Variants in TAPBPL observed in about 807,000 individuals in gnomAD.
The protein encoded by TAPBPL is tapasin-related protein.
In TAPBPL, 32 loss-of-function variants were observed where a neutral mutation model predicts 44.8. The observed-to-expected ratio is 0.71, with a 90% CI of 0.54 to 0.96. The LOEUF (loss-of-function observed/expected upper bound fraction) is 0.96. Ranked by LOEUF, TAPBPL falls within the 40% of genes least tolerant of loss-of-function variation. The pLI is 0.00. For synonymous variants in TAPBPL, 230 were observed against 240.7 expected, an observed-to-expected ratio of 0.96 and a Z score of 0.41; for missense variants, 520 against 586.6, an observed-to-expected ratio of 0.89 and a Z score of 1.17.
chr12:6,463,680 G>C, downstream of TAPBPL: 1 of 1,097,920 alleles, frequency 9.1e-7, no homozygotes, highest in Non-Finnish European at 1.1e-6. This position sits in a 1 kb window ranked among gnomAD's most constrained non-coding sequence, Gnocchi z 4.0. Context: ...AAAACTACCA[G>C]CTAGATGGAT....
chr12:6,461,274 C>T, intron 6 of TAPBPL: 2 of 1,161,642 alleles, frequency 1.7e-6, no homozygotes, highest in Non-Finnish European at 2.2e-6. Flanking sequence ...TCTGCAGAGG[C>T]CTCTGCCTTC....
chr12:6,458,241 T>C (rs1003834993), intron 4 of TAPBPL, among the ~76,000 whole-genome samples: 2 of 152,066 alleles, frequency 1.3e-5, no homozygotes, highest in African/African-American at 2.4e-5. Flanking sequence ...CTAGGCATGG[T>C]GGTGCGCGCC....
upstream of TAPBPL, chr12:6,451,833 C>T (rs1469339824): frequency 3.4e-6 from 1 of 289,934 alleles, no homozygotes; most frequent in Non-Finnish European, 6.6e-6. Context: ...TTGGGGCCTG[C>T]TTAAGGGCGG....
chr12:6,464,625 C>T (rs369568272), downstream of TAPBPL: 15 of 1,456,096 alleles, frequency 1.0e-5, no homozygotes, highest in African/African-American at 7.2e-5. Flanking sequence ...CCCTCCAACC[C>T]AAGCCAGTGA....
At position 6,453,585 on chromosome 12, in the gene TAPBPL, A is replaced by G. The variant is rs749989219; in HGVS notation, c.434A>G (p.Asn145Ser). The G allele has an allele frequency of 6.2e-7, 1 of 1,614,212 alleles. No homozygotes were observed. The highest frequency in any genetic ancestry group is 1.1e-5 in the South Asian group (1 of 91,092). ...AAGACAGCAGCTTGGTTCATGGCCA[A>G]CATGCAGGTCTCTGGAGGGGGACCT... ...TVKTAAWFMANMQVSGGGPSI... is the reference protein window; with the variant it reads ...TVKTAAWFMASMQVSGGGPSI... Residue 145 changes from asparagine to serine, a missense_variant, in exon 3 of 7, where the codon AAC (asparagine) becomes AGC (serine). Coordinates refer to ENST00000266556, the MANE Select transcript of TAPBPL (RefSeq NM_018009.5). This position sits in a 1 kb window ranked among gnomAD's most constrained non-coding sequence, Gnocchi z 4.8.
downstream of TAPBPL, chr12:6,462,768 A>G: frequency 6.6e-7 from 1 of 1,523,680 alleles, no homozygotes; most frequent in Non-Finnish European, 8.9e-7. Flanking sequence ...GGAGGAGCCC[A>G]GAGGAGAGTG....
In TAPBPL at chr12:6,457,660, A is replaced by C. The variant is rs1949734876; in HGVS notation, c.820A>C (p.Thr274Pro). Residue 274 changes from threonine (T) to proline (P), a missense_variant, in exon 4 of 7, where the codon ACT becomes CCT. By Grantham distance (38) the Thr-to-Pro change is conservative. Transcript: ENST00000266556. ...TGCCTCCCTCACCCTGCCCGGCCTC[A>C]CTATACAGGACGAGGGGACCTACAT... ...RDASLTLPGL[T>P]IQDEGTYICQ... 1 of 1,613,980 alleles carries C rather than the reference A, an allele frequency of 6.2e-7. No homozygotes were observed. The highest frequency in any genetic ancestry group is 1.7e-5 in the Admixed American group (1 of 59,994).
At chr12:6,457,858 C>G in intron 4 of TAPBPL, 114 bp downstream of exon 4, 1 of 1,189,958 alleles carries the variant, frequency 8.4e-7, no homozygotes, top group South Asian at 1.6e-5. Context: ...GCTTCAATCC[C>G]ACAACTTAAA....
At position 6,453,781 on chromosome 12, in the gene TAPBPL, A is replaced by C; in HGVS notation, c.565+65A>C. 1 of 1,478,034 alleles carries C rather than the reference A, an allele frequency of 6.8e-7. No homozygotes were observed. Among genetic ancestry groups the C allele is most frequent in the Non-Finnish European group, 8.9e-7 (1 of 1,118,978 alleles). 91.6% of individuals were successfully genotyped at this position (1,478,034 alleles called of 1,614,324 possible). ...GCCTGTAATTCCAGAATTTTGGGAT[A>C]CCGAGGTCGGTGGATCACCTGAGGT... On this transcript the variant is annotated intron_variant, in intron 3 of 6. Transcript: ENST00000266556. The surrounding 1 kb of genome is among the most constrained non-coding windows in gnomAD (Gnocchi z 4.8).
chr12:6,454,378 G>C (rs1949650603), intron 3 of TAPBPL, among the ~76,000 whole-genome samples: 1 of 152,322 alleles, frequency 6.6e-6, no homozygotes, highest in African/African-American at 2.4e-5. Context: ...TGAGACGGGA[G>C]AATCACTTGA....
downstream of TAPBPL, chr12:6,471,062 A>T (rs2072377): frequency 0.15 from 24,010 of 156,474 alleles, 2,166 homozygotes; most frequent in East Asian, 0.31. This position sits in a 1 kb window ranked among gnomAD's most constrained non-coding sequence, Gnocchi z 4.0. Context: ...GGACTCGCGC[A>T]TTCAGCTGGA....
chr12:6,470,475 C>G (rs1945745380), downstream of TAPBPL: 1 of 1,612,940 alleles, frequency 6.2e-7, no homozygotes, highest in Admixed American at 1.7e-5. Context: ...GAATCGGGAG[C>G]TTGGGGCGAG....
chr12:6,462,324 T>TCCACCAAA (rs1949893302), downstream of TAPBPL: 1 of 587,108 alleles, frequency 1.7e-6, no homozygotes, highest in Admixed American at 3.1e-5. Flanking sequence ...GAAGTACAAC[T>TCCACCAAA]GTTGTTATTA....
intron 3 of TAPBPL, among the ~76,000 whole-genome samples, chr12:6,454,015 C>CAA (rs568380803): frequency 0.013 from 1,699 of 129,770 alleles, 20 homozygotes; most frequent in Middle Eastern, 0.051. Flanking sequence ...AACTCCATCT[C>CAA]AAAAAAAAAA....
Position 6,457,669 on chromosome 12 carries a change from G to A in TAPBPL, c.829G>A (p.Asp277Asn), listed in dbSNP as rs368603949. The A allele has an allele frequency of 1.9e-6, 3 of 1,613,736 alleles. No individual in the cohort carries two copies. Among genetic ancestry groups the A allele is most frequent in the Non-Finnish European group, 1.7e-6 (2 of 1,179,820 alleles). The change falls in exon 4 of 7, where the codon GAC (aspartate) becomes AAC (asparagine). Residue 277 changes from aspartate to asparagine, a missense_variant. Transcript: ENST00000266556. ...SLTLPGLTIQ[D>N]EGTYICQITT... Reference sequence around the variant, plus strand: ...CACCCTGCCCGGCCTCACTATACAGGACGAGGGGACCTACATTTGCCAGAT... The same window carrying A: ...CACCCTGCCCGGCCTCACTATACAGAACGAGGGGACCTACATTTGCCAGAT...
Position 6,457,635 on chromosome 12 carries a change from T to G in TAPBPL, c.795T>G (p.Asp265Glu). 6.2e-7 allele frequency: 1 copy of G among 1,614,192 alleles called. No homozygotes were observed. The change falls in exon 4 of 7, where the codon GAT becomes GAG. Residue 265 changes from aspartate (D) to glutamate (E), a missense_variant. Asp to Glu is a conservative substitution (Grantham distance 45, BLOSUM62 2). Transcript: ENST00000266556. ...CTGCACAACTGGGCATGGCCAGGGATGCCTCCCTCACCCTGCCCGGCCTCA... is the reference window on the plus strand; with the variant it reads ...CTGCACAACTGGGCATGGCCAGGGAGGCCTCCCTCACCCTGCCCGGCCTCA... Reference protein sequence around the residue: ...LEPAQLGMARDASLTLPGLTI... With the variant: ...LEPAQLGMAREASLTLPGLTI...
At chr12:6,461,405 G>A (rs888231200) in intron 6 of TAPBPL, 6 of 1,001,012 alleles carry the variant, frequency 6.0e-6, no homozygotes, top group African/African-American at 5.2e-5. Context: ...GTGGTGTGAC[G>A]GTAGGAAAAC....
chr12:6,454,306 T>C (rs1374731399), intron 3 of TAPBPL, among the ~76,000 whole-genome samples: 2 of 149,792 alleles, frequency 1.3e-5, no homozygotes, highest in Non-Finnish European at 3.0e-5. Context: ...CCCTCTCTAC[T>C]AAAATACAGA....
At chr12:6,461,052 A>T in intron 6 of TAPBPL, 114 bp downstream of exon 6, 1 of 1,534,460 alleles carries the variant, frequency 6.5e-7, no homozygotes, top group Non-Finnish European at 8.7e-7. Flanking sequence ...CCACCCACCC[A>T]TCACAGCCTC....
Sources: gnomAD v4.1 joint callset for allele counts (sites outside exome capture counted in the v4.1 genomes callset) on GRCh38, gnomAD v4.1.1 for gene constraint, Gnocchi (gnomAD v3.1) non-coding constraint, MANE v1.5 for transcripts, NCBI Gene and HGNC (gene_info 2026-07-23, HGNC 2026-07-21) for gene names.